The following TTC9B variants were observed in gnomAD, a reference collection of about 807,000 sequenced individuals.
The protein encoded by TTC9B is tetratricopeptide repeat protein 9B.
Under a neutral mutation model 19.4 loss-of-function variants are expected in TTC9B, and 12 were observed. The ratio of observed to expected loss-of-function variants is 0.62; its 90% CI spans 0.40 to 1.00. The LOEUF (loss-of-function observed/expected upper bound fraction) is 1.00, where lower values mean the gene tolerates loss of function less well. TTC9B is among the 50% of genes least tolerant of loss of function. The pLI is 0.00. For synonymous variants in TTC9B, 156 were observed against 158.6 expected (o/e 0.98, Z 0.12); for missense variants, 316 against 345.2 (o/e 0.92, Z 0.67).
Position 40,217,995 on chromosome 19 carries a change from C to A in TTC9B, c.387G>T (p.Leu129=). 2.0e-6 allele frequency: 3 copies of A among 1,494,090 alleles called. No individual in the cohort carries two copies. The highest frequency in any genetic ancestry group is 1.8e-6 in the Non-Finnish European group (2 of 1,127,984). The allele number at this position is 1,494,090 out of a possible 1,614,324, so 92.6% of individuals were successfully genotyped here. A position where few individuals can be genotyped will look rare whatever the true frequency, so the allele number is the denominator to read the frequency against. The change falls in exon 1 of 3, where the codon CTG becomes CTT. Residue 129 remains leucine (L), a synonymous_variant. Transcript: ENST00000311308. ...AACACTCCACCTCCGTGCTCTCCAC[C>A]AGGCGCCGCTGCTCCTCGCTGAGGC... is the stretch of plus-strand genomic sequence containing the variant. ...PARLSEEQRR[L]VESTEVECYD...
At position 40,217,957 on chromosome 19, in the gene TTC9B, G is replaced by A. The variant is rs1228382408; in HGVS notation, c.425C>T (p.Thr142Met). Reference protein sequence around the residue: ...STEVECYDSLTACLLQSELVN... With the variant: ...STEVECYDSLMACLLQSELVN... ...CCCCCCACCCCCCGACGGCGTACCC[G>A]TGAGGGAGTCGTAACACTCCACCTC... is the stretch of plus-strand genomic sequence containing the variant. Residue 142 changes from threonine to methionine, a missense_variant and splice_region_variant, in exon 1 of 3, where the codon ACG becomes ATG. Thr to Met is a moderately conservative substitution (Grantham distance 81). Transcript: ENST00000311308. The A allele has an allele frequency of 1.1e-6, 1 of 904,830 alleles. No homozygotes were observed. Among genetic ancestry groups the A allele is most frequent in the Non-Finnish European group, 1.4e-6 (1 of 706,068 alleles). The allele number at this position is 904,830 out of a possible 1,614,324, so 56.1% of individuals were successfully genotyped here. A position where few individuals can be genotyped will look rare whatever the true frequency, so the allele number is the denominator to read the frequency against.
At chr19:40,217,102 C>T in intron 2 of TTC9B, 85 bp downstream of exon 2, 2 of 1,459,394 alleles carry the variant, frequency 1.4e-6, no homozygotes, top group African/African-American at 1.4e-5. Context: ...CTATTCTGCC[C>T]TGATCTTCCT....
intron 2 of TTC9B, chr19:40,216,525 C>T: frequency 1.9e-6 from 1 of 513,684 alleles, no homozygotes; most frequent in Non-Finnish European, 3.5e-6. Flanking sequence ...GCTCCCGTCA[C>T]ACTTCTCATC....
intron 1 of TTC9B, 86 bp from the exon 2 acceptor site, chr19:40,217,455 G>T: frequency 2.0e-6 from 3 of 1,503,232 alleles, no homozygotes; most frequent in East Asian, 2.3e-5. Context: ...GCTCCAGGCG[G>T]CAGGGAACCA....
Position 40,218,006 on chromosome 19 carries a change from G to T in TTC9B, c.376C>A (p.Gln126Lys). 3 of 1,492,300 alleles carry T rather than the reference G, an allele frequency of 2.0e-6. No homozygotes were observed. The highest frequency in any genetic ancestry group is 2.7e-6 in the Non-Finnish European group (3 of 1,126,402). The allele number at this position is 1,492,300 out of a possible 1,614,324, so 92.4% of individuals were successfully genotyped here. A position where few individuals can be genotyped will look rare whatever the true frequency, so the allele number is the denominator to read the frequency against. Residue 126 changes from glutamine (Q) to lysine (K), a missense_variant, in exon 1 of 3, where the codon CAG (glutamine) becomes AAG (lysine). Gln to Lys is a moderately conservative substitution (Grantham distance 53). Coordinates refer to ENST00000311308, the MANE Select transcript of TTC9B (RefSeq NM_152479.6). This position sits in a 1 kb window ranked among gnomAD's most constrained non-coding sequence, Gnocchi z 4.2. ...TCCGTGCTCTCCACCAGGCGCCGCT[G>T]CTCCTCGCTGAGGCGCGCCGGCCCG... ...SPGPARLSEE[Q>K]RRLVESTEVE...
chr19:40,216,148 C>T lies in TTC9B; in HGVS notation c.*15G>A, dbSNP rs1012072326. The T allele has an allele frequency of 5.0e-6, 8 of 1,606,454 alleles. No individual in the cohort carries two copies. The highest frequency in any genetic ancestry group is 1.7e-5 in the Admixed American group (1 of 59,984). Reference sequence around the variant, plus strand: ...GTGGGAGGGCGAGGGATAGAGAGGTCCCCCTGGATTGGCCTCAGCCAATTA... The same window carrying T: ...GTGGGAGGGCGAGGGATAGAGAGGTTCCCCTGGATTGGCCTCAGCCAATTA... On this transcript the variant is annotated 3_prime_UTR_variant, in exon 3 of 3. Transcript: ENST00000311308.
At chr19:40,217,734 T>G (rs111960706) in intron 1 of TTC9B, 31 of 529,532 alleles carry the variant, frequency 5.9e-5, no homozygotes, top group African/African-American at 4.7e-4. Flanking sequence ...AGGCCCTGAA[T>G]ACCCGACCCA....
chr19:40,216,366 C>T (rs771239359), intron 2 of TTC9B, 94 bp from the exon 3 acceptor site: 115 of 893,944 alleles, frequency 1.3e-4, no homozygotes, highest in Non-Finnish European at 2.0e-4. Flanking sequence ...TCCGAAGTAT[C>T]CAGCAGCTCG....
In TTC9B at chr19:40,216,691, C is replaced by G. The variant is rs536773874; in HGVS notation, c.611-419G>C. On this transcript the variant is annotated intron_variant, in intron 2 of 2. Coordinates refer to ENST00000311308, the MANE Select transcript of TTC9B (RefSeq NM_152479.6). Reference sequence around the variant, plus strand: ...TGAGTGTTGTGTCTGCCCTCCTGCACTCATGTGTGTAAGTGCACACATGCA... The same window carrying G: ...TGAGTGTTGTGTCTGCCCTCCTGCAGTCATGTGTGTAAGTGCACACATGCA... 3 of 300,234 alleles carry G rather than the reference C, an allele frequency of 1.0e-5. No homozygotes were observed. The East Asian group carries it at 2.4e-4, about 24-fold the overall frequency. 18.6% of individuals were successfully genotyped at this position (300,234 alleles called of 1,614,324 possible).
In TTC9B at chr19:40,218,299, G is replaced by A; in HGVS notation, c.83C>T (p.Pro28Leu). The change falls in exon 1 of 3, where the codon CCA becomes CTA. Residue 28 changes from proline (P) to leucine (L), a missense_variant. Physicochemically the swap from Pro to Leu is moderately conservative, Grantham distance 98 (BLOSUM62 -3). Coordinates refer to ENST00000311308, the MANE Select transcript of TTC9B (RefSeq NM_152479.6). This position sits in a 1 kb window ranked among gnomAD's most constrained non-coding sequence, Gnocchi z 4.2. ...GCCCGAGCCTGGGCCCGAGCCCGGT[G>A]GGGAGAGGGCGGGAGGCGGGCGCGG... ...PPPRPPPALS[P>L]PGSGPGSGSR... 1 of 1,407,820 alleles carries A rather than the reference G, an allele frequency of 7.1e-7. No homozygotes were observed. The highest frequency in any genetic ancestry group is 9.2e-7 in the Non-Finnish European group (1 of 1,088,904). 87.2% of individuals were successfully genotyped at this position (1,407,820 alleles called of 1,614,324 possible).
chr19:40,217,930 A>ACCCCCC, intron 1 of TTC9B, 25 bp downstream of exon 1: 6 of 702,558 alleles, frequency 8.5e-6, no homozygotes, highest in East Asian at 1.0e-4. Context: ...CTCGTGCCCC[A>ACCCCCC]TCCCCCCACC....
intron 1 of TTC9B, 165 bp from the exon 2 acceptor site, chr19:40,217,534 C>T (rs1973386652): frequency 1.1e-6 from 1 of 896,124 alleles, no homozygotes. Context: ...CGCAACTGCG[C>T]CGCTGCTAGG....
intron 1 of TTC9B, 45 bp downstream of exon 1, chr19:40,217,910 G>A: frequency 7.5e-7 from 1 of 1,327,616 alleles, no homozygotes; most frequent in South Asian, 1.5e-5. Flanking sequence ...TCTCCCGATT[G>A]CCCCCTCCCC....
intron 1 of TTC9B, chr19:40,217,613 G>A: frequency 1.8e-6 from 1 of 551,980 alleles, no homozygotes; most frequent in Non-Finnish European, 3.1e-6. Context: ...AGAGCACTAA[G>A]GCCCCGCGCG....
chr19:40,217,786 C>T, intron 1 of TTC9B, 169 bp downstream of exon 1: 2 of 624,538 alleles, frequency 3.2e-6, no homozygotes, highest in East Asian at 3.2e-5. Flanking sequence ...GCCACAGACC[C>T]CTGTCATCCC....
In TTC9B at chr19:40,217,943, C is replaced by A; in HGVS notation, c.427+12G>T. On this transcript the variant is annotated intron_variant, in intron 1 of 2. Coordinates refer to ENST00000311308, the MANE Select transcript of TTC9B (RefSeq NM_152479.6). ...CCCTCGTGCCCCATCCCCCCACCCC[C>A]CGACGGCGTACCCGTGAGGGAGTCG... 5.4e-6 allele frequency: 8 copies of A among 1,480,370 alleles called. No individual in the cohort carries two copies. Among genetic ancestry groups the A allele is most frequent in the Non-Finnish European group, 7.1e-6 (8 of 1,124,036 alleles). The allele number at this position is 1,480,370 out of a possible 1,614,324, so 91.7% of individuals were successfully genotyped here.
chr19:40,217,023 G>A, intron 2 of TTC9B, 164 bp downstream of exon 2: 1 of 699,920 alleles, frequency 1.4e-6, no homozygotes. Flanking sequence ...GAATGGATGA[G>A]TGGGCGTGTA....
intron 1 of TTC9B, 175 bp downstream of exon 1, chr19:40,217,780 C>T: frequency 4.9e-6 from 3 of 609,678 alleles, no homozygotes; most frequent in South Asian, 5.6e-5. Flanking sequence ...CCTCCAGCCA[C>T]AGACCCCTGT....
chr19:40,217,925 G>GGCCCC, intron 1 of TTC9B, 30 bp downstream of exon 1: 2 of 1,285,374 alleles, frequency 1.6e-6, no homozygotes, highest in Non-Finnish European at 1.0e-6. Flanking sequence ...CTCCCCTCGT[G>GGCCCC]CCCCATCCCC....
Sources: gnomAD v4.1 joint callset for allele counts on GRCh38, gnomAD v4.1.1 for gene constraint, Gnocchi (gnomAD v3.1) non-coding constraint, MANE v1.5 for transcripts, NCBI Gene and HGNC (gene_info 2026-07-23, HGNC 2026-07-21) for gene names.